The following SORCS1 variants were observed in gnomAD, a reference collection of about 807,000 sequenced individuals.
The protein encoded by SORCS1 is sortilin related VPS10 domain containing receptor 1.
Under a neutral mutation model 146.1 loss-of-function variants are expected in SORCS1, and 60 were observed. The ratio of observed to expected loss-of-function variants is 0.41; its 90% CI spans 0.33 to 0.51. The LOEUF (loss-of-function observed/expected upper bound fraction) is 0.51, where lower values mean the gene tolerates loss of function less well. Ranked by LOEUF, SORCS1 falls within the 20% of genes least tolerant of loss-of-function variation. The pLI is 0.21. For missense variants in SORCS1, 1,352 were observed against 1,487.6 expected (o/e 0.91, Z 1.50); for synonymous variants, 637 against 584.0 (o/e 1.09, Z -1.31).
chr10:106,821,008 AAAATAAAT>A (rs1217785338), intron 3 of SORCS1, among the ~76,000 whole-genome samples: 2 of 152,258 alleles, frequency 1.3e-5, no homozygotes, highest in Admixed American at 1.3e-4. Context: ...TGATGAGACA[AAAATAAAT>A]AAATAATTAG....
intron 1 of SORCS1, among the ~76,000 whole-genome samples, chr10:107,066,130 A>C (rs2134150316): frequency 6.6e-6 from 1 of 152,296 alleles, no homozygotes; most frequent in Middle Eastern, 3.4e-3. Flanking sequence ...TCAAGTGTTA[A>C]GTTTGCATCA....
chr10:106,747,652 C>T lies in SORCS1; in HGVS notation c.959+13936G>A, dbSNP rs371595129. ...CTCGGTAGTTATCTACTATGACAACCCTATTTAACCTTCAATTTGAAAATG... is the reference window on the plus strand; with the variant it reads ...CTCGGTAGTTATCTACTATGACAACTCTATTTAACCTTCAATTTGAAAATG... On this transcript the variant is annotated intron_variant, in intron 5 of 25. Coordinates refer to ENST00000263054, the MANE Select transcript of SORCS1 (RefSeq NM_052918.5). Among the ~76,000 whole-genome samples the T allele has an allele frequency of 5.6e-4, 85 of 152,148 alleles. No individual in the cohort carries two copies. In the South Asian group the frequency reaches 0.016, roughly 29 times the overall value.
At chr10:107,025,590 A>C (rs145691725) in intron 1 of SORCS1, among the ~76,000 whole-genome samples, 3 of 152,360 alleles carry the variant, frequency 2.0e-5, no homozygotes, top group African/African-American at 7.2e-5. Context: ...TACAAGCCCC[A>C]AAACAAAATA....
chr10:106,652,081 C>A (rs1849907346), intron 18 of SORCS1, among the ~76,000 whole-genome samples: 1 of 152,108 alleles, frequency 6.6e-6, no homozygotes, highest in South Asian at 2.1e-4. Context: ...TTTATGTATT[C>A]TGAGAAAATG....
At chr10:106,927,812 T>A (rs866732842) in intron 2 of SORCS1, among the ~76,000 whole-genome samples, 1 of 152,062 alleles carries the variant, frequency 6.6e-6, no homozygotes, top group Non-Finnish European at 1.5e-5. Flanking sequence ...TACTGATTGG[T>A]GTGTTTACAA....
chr10:106,593,770 T>C (rs1845749137), intron 24 of SORCS1, among the ~76,000 whole-genome samples: 1 of 152,218 alleles, frequency 6.6e-6, no homozygotes, highest in Admixed American at 6.5e-5. Flanking sequence ...TGGGCTTTTA[T>C]TTGGAAATGG....
chr10:106,811,975 C>T (rs1003164421), intron 3 of SORCS1, among the ~76,000 whole-genome samples: 6 of 152,002 alleles, frequency 3.9e-5, no homozygotes, highest in Non-Finnish European at 5.9e-5. Flanking sequence ...TCATACTTAC[C>T]TTGATGGTTT....
chr10:106,752,086 T>G (rs1277457554), intron 5 of SORCS1, among the ~76,000 whole-genome samples: 1 of 152,208 alleles, frequency 6.6e-6, no homozygotes, highest in African/African-American at 2.4e-5. Flanking sequence ...TGAAATTGTT[T>G]CTTGGAATCA....
intron 1 of SORCS1, among the ~76,000 whole-genome samples, chr10:106,967,380 T>C (rs1955546372): frequency 6.6e-6 from 1 of 152,086 alleles, no homozygotes; most frequent in Non-Finnish European, 1.5e-5. Context: ...ATAAGGGAGA[T>C]GCTAAATTAA....
intron 3 of SORCS1, among the ~76,000 whole-genome samples, chr10:106,820,165 A>G (rs1947942548): frequency 6.6e-6 from 1 of 152,130 alleles, no homozygotes; most frequent in Admixed American, 6.6e-5. Flanking sequence ...CTGGTGCCAG[A>G]TGCCATCAAT....
intron 1 of SORCS1, among the ~76,000 whole-genome samples, chr10:107,065,944 G>A (rs1961807414): frequency 1.3e-5 from 2 of 152,186 alleles, no homozygotes; most frequent in South Asian, 4.1e-4. Flanking sequence ...AGCAGAGACA[G>A]GATTCAAACC....
intron 24 of SORCS1, among the ~76,000 whole-genome samples, chr10:106,595,832 A>C (rs1042955484): frequency 3.3e-5 from 5 of 152,154 alleles, no homozygotes; most frequent in Non-Finnish European, 7.3e-5. Context: ...TCCATACTTT[A>C]AGGTTCTTCC....
chr10:106,925,046 A>G (rs1474887830), intron 2 of SORCS1, among the ~76,000 whole-genome samples: 1 of 37,820 alleles, frequency 2.6e-5, no homozygotes, highest in African/African-American at 5.0e-5. Context: ...TTTATATGCT[A>G]TATTATATAT....
At chr10:107,036,717 C>G (rs1436773771) in intron 1 of SORCS1, among the ~76,000 whole-genome samples, 1 of 152,146 alleles carries the variant, frequency 6.6e-6, no homozygotes, top group Non-Finnish European at 1.5e-5. Flanking sequence ...GCACTGAGAC[C>G]TTTTTAAGCA....
chr10:106,702,674 G>T (rs1355346359), intron 8 of SORCS1, among the ~76,000 whole-genome samples: 1 of 152,000 alleles, frequency 6.6e-6, no homozygotes, highest in Non-Finnish European at 1.5e-5. Flanking sequence ...AAATGATATT[G>T]GTCTTAAATA....
intron 2 of SORCS1, among the ~76,000 whole-genome samples, chr10:106,852,644 A>AAG (rs1403995431): frequency 8.7e-5 from 13 of 149,690 alleles, no homozygotes; most frequent in Non-Finnish European, 1.6e-4. Context: ...AAAAAAAAAA[A>AAG]AAAGAAAGAA....
rs1371721866 is a variant in SORCS1, at chr10:107,094,453, T to C, written c.558+69516A>G. Among the ~76,000 whole-genome samples the C allele has an allele frequency of 2.6e-5, 4 of 152,204 alleles. No individual in the cohort carries two copies. In the East Asian group the frequency reaches 5.8e-4, roughly 22 times the overall value. ...ACAATATTTTTCCTTAAGCACTTTG[T>C]TCTCACTACAAATAGGCTATGAAGG... On this transcript the variant is annotated intron_variant, in intron 1 of 25. Transcript: ENST00000263054.
At chr10:106,984,624 A>C (rs1956386032) in intron 1 of SORCS1, among the ~76,000 whole-genome samples, 2 of 151,498 alleles carry the variant, frequency 1.3e-5, no homozygotes, top group Non-Finnish European at 2.9e-5. Flanking sequence ...TTATCTCCTG[A>C]CCTCGTGATC....
At chr10:106,940,702 G>A (rs1953996071) in intron 2 of SORCS1, among the ~76,000 whole-genome samples, 1 of 152,124 alleles carries the variant, frequency 6.6e-6, no homozygotes, top group African/African-American at 2.4e-5. Flanking sequence ...TGGCCAACAT[G>A]GTGAAACCCT....
Sources: gnomAD v4.1 joint callset for allele counts (sites outside exome capture counted in the v4.1 genomes callset) on GRCh38, gnomAD v4.1.1 for gene constraint, MANE v1.5 for transcripts, NCBI Gene and HGNC (gene_info 2026-07-23, HGNC 2026-07-21) for gene names.